SOX6: variants seen among roughly 807,000 people sequenced by gnomAD.
SOX6 encodes the protein transcription factor SOX-6.
Under a neutral mutation model 97.8 loss-of-function variants are expected in SOX6, and 11 were observed. The observed-to-expected ratio is 0.11, with a 90% confidence interval of 0.07 to 0.19. The LOEUF (loss-of-function observed/expected upper bound fraction) is 0.19, where lower values mean the gene tolerates loss of function less well. SOX6 is among the 10% of genes least tolerant of loss of function. The pLI, the probability that SOX6 is intolerant of heterozygous loss-of-function variation, is 1.00. For missense variants in SOX6, 810 were observed against 1,039.5 expected (o/e 0.78, Z 3.04); for synonymous variants, 360 against 371.4 (o/e 0.97, Z 0.35).
chr11:16,084,690 T>C (rs1227976596), intron 9 of SOX6, among the ~76,000 whole-genome samples: 1 of 152,164 alleles, frequency 6.6e-6, no homozygotes, highest in African/African-American at 2.4e-5. Context: ...CACCATTGTA[T>C]AGACAGAGAA....
chr11:16,388,384 A>G (rs375734225), intron 1 of SOX6, among the ~76,000 whole-genome samples: 177 of 152,124 alleles, frequency 1.2e-3, no homozygotes, highest in South Asian at 2.1e-3. Flanking sequence ...TTTCTTTCTT[A>G]TAATTTTTTC....
chr11:16,037,627 T>A (rs76801523), intron 12 of SOX6, among the ~76,000 whole-genome samples: 8,638 of 152,200 alleles, frequency 0.057, 388 homozygotes, highest in Non-Finnish European at 0.076. Context: ...TAATCACAGA[T>A]AAGGACACCA....
At chr11:16,409,289 C>CAA (rs60016649) in intron 1 of SOX6, among the ~76,000 whole-genome samples, 43,535 of 143,026 alleles carry the variant, frequency 0.3, 7,104 homozygotes, top group Non-Finnish European at 0.37. Context: ...AACCCCCCTC[C>CAA]AAAAAAAAAA....
chr11:16,378,411 AAATGAG>A (rs1423586488), intron 1 of SOX6, among the ~76,000 whole-genome samples: 2 of 152,200 alleles, frequency 1.3e-5, no homozygotes, highest in African/African-American at 4.8e-5. Context: ...AGATAATTTT[AAATGAG>A]AATAATTCAA....
chr11:16,729,551 G>C (rs1590067241), intron 2 of SOX6, among the ~76,000 whole-genome samples: 1 of 152,198 alleles, frequency 6.6e-6, no homozygotes, highest in African/African-American at 2.4e-5. Context: ...TCACCACCAG[G>C]CCTGCCTTAC....
intron 6 of SOX6, among the ~76,000 whole-genome samples, chr11:16,138,689 ATCCC>A (rs960176447): frequency 6.6e-5 from 10 of 151,872 alleles, no homozygotes; most frequent in African/African-American, 2.4e-4. Flanking sequence ...TCCTAATGCT[ATCCC>A]TCCCCCCTCC....
At chr11:15,976,351 A>G (rs1490289246) in intron 15 of SOX6, among the ~76,000 whole-genome samples, 1 of 152,168 alleles carries the variant, frequency 6.6e-6, no homozygotes, top group Non-Finnish European at 1.5e-5. Context: ...ATTATCACTG[A>G]CATTGCCTCT....
chr11:16,630,458 T>A (rs912724687), intron 3 of SOX6, among the ~76,000 whole-genome samples: 4 of 152,168 alleles, frequency 2.6e-5, no homozygotes, highest in Middle Eastern at 3.2e-3. Flanking sequence ...AGAGTATAGT[T>A]GGTATAATTT....
At chr11:16,322,663 A>T (rs1471470462) in intron 2 of SOX6, among the ~76,000 whole-genome samples, 1 of 152,160 alleles carries the variant, frequency 6.6e-6, no homozygotes, top group Non-Finnish European at 1.5e-5. Context: ...TTATCTGGCA[A>T]GTGTGTTAAA....
In SOX6 at chr11:16,214,960, G is replaced by A. The variant is rs557771378; in HGVS notation, c.535+19622C>T. On this transcript the variant is annotated intron_variant, in intron 4 of 15. Transcript: ENST00000683767. ...ATACGGGGTTTTACCATGTTGATCC[G>A]GCTGGCCTCGAACTCCTGATCTCAT... 1.1e-4 allele frequency among the ~76,000 whole-genome samples: 17 copies of A among 152,026 alleles called. No homozygotes were observed. In the South Asian group the frequency reaches 3.3e-3, roughly 30 times the overall value.
intron 3 of SOX6, among the ~76,000 whole-genome samples, chr11:16,237,465 A>G (rs1329005586): frequency 6.6e-6 from 1 of 152,078 alleles, no homozygotes; most frequent in Non-Finnish European, 1.5e-5. Flanking sequence ...GTAAGGATCC[A>G]TTCCCTTTGT....
chr11:16,718,996 A>AG (rs1554902639), intron 2 of SOX6, among the ~76,000 whole-genome samples: 30 of 150,832 alleles, frequency 2.0e-4, no homozygotes, highest in African/African-American at 4.4e-4. Context: ...AAAAAAAAAA[A>AG]AGAGAGAGAC....
chr11:16,493,229 T>C (rs1860538422), intron 4 of SOX6, among the ~76,000 whole-genome samples: 1 of 152,158 alleles, frequency 6.6e-6, no homozygotes, highest in Non-Finnish European at 1.5e-5. Flanking sequence ...GATATAATCA[T>C]AGAATGGAAC....
chr11:16,473,272 C>T (rs538233511), intron 1 of SOX6, among the ~76,000 whole-genome samples: 79 of 152,168 alleles, frequency 5.2e-4, no homozygotes, highest in African/African-American at 1.7e-3. Context: ...GCAAATGTTG[C>T]GATAAAGCAA....
At chr11:16,578,448 C>G (rs1285867069) in intron 4 of SOX6, among the ~76,000 whole-genome samples, 1 of 151,970 alleles carries the variant, frequency 6.6e-6, no homozygotes, top group East Asian at 1.9e-4. Context: ...GGCCATGAAG[C>G]CTTCTCTACA....
chr11:16,587,153 A>G (rs1848103854), intron 4 of SOX6, among the ~76,000 whole-genome samples: 2 of 152,212 alleles, frequency 1.3e-5, no homozygotes, highest in Admixed American at 6.5e-5. Context: ...TTACCTGGGG[A>G]AAATCTCTTA....
Position 16,735,676 on chromosome 11 carries a change from TTTAA to T in SOX6, n.353+659_353+662del, listed in dbSNP as rs1487664236. On this transcript the variant is annotated intron_variant and non_coding_transcript_variant, in intron 2 of 5. Transcript: ENST00000524520. ...AAGCAAGTATTTAACTTTTCTTAAG[TTTAA>T]TTACCTATAAAATTCCCTACTTCTT... Among the ~76,000 whole-genome samples, 3 of 152,316 alleles carry T rather than the reference TTTAA, an allele frequency of 2.0e-5. No individual in the cohort carries two copies. In the South Asian group the frequency reaches 6.2e-4, roughly 32 times the overall value.
intron 1 of SOX6, among the ~76,000 whole-genome samples, chr11:16,373,721 C>A (rs377653302): frequency 1.3e-5 from 2 of 148,638 alleles, no homozygotes; most frequent in South Asian, 4.3e-4. Flanking sequence ...ACAACAAATA[C>A]ATTGAATAAA....
chr11:16,056,262 G>T (rs1022086141), intron 9 of SOX6, among the ~76,000 whole-genome samples: 1 of 151,960 alleles, frequency 6.6e-6, no homozygotes, highest in South Asian at 2.1e-4. Flanking sequence ...AAATGTCTGG[G>T]ATGTCCACTT....
Sources: allele counts gnomAD v4.1 joint callset (sites outside exome capture counted in the v4.1 genomes callset), GRCh38; gene constraint gnomAD v4.1.1; transcripts MANE v1.5; gene names NCBI Gene and HGNC (gene_info 2026-07-23, HGNC 2026-07-21).